The following ZFAND3 variants were observed in gnomAD, a reference collection of about 807,000 sequenced individuals.
ZFAND3 encodes AN1-type zinc finger protein 3.
In ZFAND3, 10 loss-of-function variants were observed where a neutral mutation model predicts 29.6. That is an observed-to-expected ratio of 0.34 (90% confidence interval 0.21 to 0.57). ZFAND3 has a LOEUF of 0.57. Ranked by LOEUF, ZFAND3 falls within the 20% of genes least tolerant of loss-of-function variation. ZFAND3 has a pLI of 0.86. For synonymous variants in ZFAND3, 128 were observed against 112.6 expected (o/e 1.14, Z -0.87); for missense variants, 230 against 304.5 (o/e 0.76, Z 1.82).
rs183308047 is a variant in ZFAND3, at chr6:37,834,769, C to T, written c.71+14753C>T. Among the ~76,000 whole-genome samples, 1,261 of 143,350 alleles carry T rather than the reference C, an allele frequency of 8.8e-3. 14 individuals are homozygous for T. The highest frequency in any genetic ancestry group is 0.014 in the Non-Finnish European group (929 of 67,464). The allele number at this position is 143,350 out of a possible 152,430, so 94.0% of individuals were successfully genotyped here. The stretch of plus-strand genomic sequence containing the variant: ...TTATGCATATATAATGATATATGCT[C>T]ATATATGCATATATCATGCATATAT... On this transcript the variant is annotated intron_variant, in intron 1 of 5. Transcript: ENST00000287218.
intron 2 of ZFAND3, among the ~76,000 whole-genome samples, chr6:38,020,086 A>T (rs975482815): frequency 2.0e-5 from 3 of 152,218 alleles, no homozygotes; most frequent in African/African-American, 7.2e-5. Context: ...CCTGCATGGC[A>T]TAGACTGTAG....
intron 2 of ZFAND3, among the ~76,000 whole-genome samples, chr6:37,954,488 A>G (rs1424972682): frequency 6.6e-6 from 1 of 152,162 alleles, no homozygotes; most frequent in Non-Finnish European, 1.5e-5. Flanking sequence ...CTCACATGCT[A>G]CAGTTTCCAT....
chr6:38,051,613 C>T (rs972143313), intron 2 of ZFAND3, among the ~76,000 whole-genome samples: 3 of 152,158 alleles, frequency 2.0e-5, no homozygotes, highest in Non-Finnish European at 2.9e-5. Context: ...CTCCAACTTG[C>T]CTATTTTATT....
chr6:38,100,244 A>G (rs1765066290), intron 4 of ZFAND3, among the ~76,000 whole-genome samples: 1 of 152,020 alleles, frequency 6.6e-6, no homozygotes, highest in South Asian at 2.1e-4. Flanking sequence ...TTGTATTTTT[A>G]GTAGAGATGG....
rs924502799 is a variant in ZFAND3, at chr6:38,045,337, G to T, written c.113-16256G>T. ...CTCCTGACCTCAAGTGATCCACCCA[G>T]CTCGGCCTTCCAAAGTAGTGGGATT... On this transcript the variant is annotated intron_variant, in intron 2 of 5. Transcript: ENST00000287218. Among the ~76,000 whole-genome samples, 4 of 151,904 alleles carry T rather than the reference G, an allele frequency of 2.6e-5. No homozygotes were observed. The East Asian group carries it at 7.7e-4, about 29-fold the overall frequency.
In ZFAND3 at chr6:37,969,993, C is replaced by T. The variant is rs547059410; in HGVS notation, c.112+39994C>T. ...CCAGCCTGGCCAACATGGTGAAAAC[C>T]CTGTCTCTACAAAAATCCCAGCTAC... On this transcript the variant is annotated intron_variant, in intron 2 of 5. Transcript: ENST00000287218. Among the ~76,000 whole-genome samples the T allele has an allele frequency of 6.6e-5, 10 of 152,144 alleles. No homozygotes were observed. In the South Asian group the frequency reaches 1.9e-3, roughly 28 times the overall value.
intron 2 of ZFAND3, among the ~76,000 whole-genome samples, chr6:37,992,797 G>T (rs1762782319): frequency 6.6e-6 from 1 of 151,782 alleles, no homozygotes; most frequent in South Asian, 2.1e-4. Context: ...ATCTACGCTG[G>T]TTCCTTTGAC....
intron 2 of ZFAND3, among the ~76,000 whole-genome samples, chr6:37,936,168 T>C (rs1029510076): frequency 1.3e-5 from 2 of 152,150 alleles, no homozygotes; most frequent in African/African-American, 4.8e-5. Flanking sequence ...TAAATAGAAG[T>C]GTGGATGGCA....
chr6:37,835,385 G>A (rs1277587685), intron 1 of ZFAND3, among the ~76,000 whole-genome samples: 1 of 151,852 alleles, frequency 6.6e-6, no homozygotes, highest in Non-Finnish European at 1.5e-5. Context: ...TTGAACTCCT[G>A]GGCTCCAGTG....
intron 4 of ZFAND3, among the ~76,000 whole-genome samples, chr6:38,101,028 A>G (rs1765082599): frequency 6.6e-6 from 1 of 152,220 alleles, no homozygotes; most frequent in South Asian, 2.1e-4. Context: ...CGAACTTAAC[A>G]CTGATATAAC....
At chr6:38,138,224 A>G (rs1259828604) in intron 5 of ZFAND3, among the ~76,000 whole-genome samples, 2 of 152,158 alleles carry the variant, frequency 1.3e-5, no homozygotes, top group East Asian at 3.8e-4. Context: ...AGATGCATGG[A>G]CTCTCAAGAA....
chr6:37,878,791 T>G (rs1384775785), intron 1 of ZFAND3, among the ~76,000 whole-genome samples: 4 of 152,210 alleles, frequency 2.6e-5, no homozygotes, highest in Admixed American at 6.5e-5. Flanking sequence ...GAAGAGACAC[T>G]TAGTAATCAC....
intron 2 of ZFAND3, among the ~76,000 whole-genome samples, chr6:37,984,849 G>A (rs59996041): frequency 0.088 from 13,417 of 152,258 alleles, 778 homozygotes; most frequent in East Asian, 0.29. Flanking sequence ...TTGAGACTAT[G>A]GAAGCCTAGG....
chr6:37,867,898 T>G (rs1183847548), intron 1 of ZFAND3, among the ~76,000 whole-genome samples: 5 of 152,236 alleles, frequency 3.3e-5, no homozygotes, highest in African/African-American at 7.2e-5. Flanking sequence ...GAGTATATGA[T>G]TTAATATTTT....
At chr6:37,989,443 CAGAG>C (rs146402170) in intron 2 of ZFAND3, among the ~76,000 whole-genome samples, 1 of 151,692 alleles carries the variant, frequency 6.6e-6, no homozygotes, top group Non-Finnish European at 1.5e-5. Flanking sequence ...GTCCACATGG[CAGAG>C]AGAGAGAGAA....
chr6:37,842,995 G>A (rs548606917), intron 1 of ZFAND3, among the ~76,000 whole-genome samples: 23 of 151,884 alleles, frequency 1.5e-4, no homozygotes, highest in Non-Finnish European at 2.8e-4. Flanking sequence ...GGTGGTGTGT[G>A]CCTGTAATCC....
chr6:38,041,703 C>T (rs1205639041), intron 2 of ZFAND3, among the ~76,000 whole-genome samples: 164 of 558 alleles, frequency 0.29, 4 homozygotes, highest in Middle Eastern at 0.5. Flanking sequence ...CCTTCTCCTC[C>T]TCCTCCTCCT....
intron 2 of ZFAND3, among the ~76,000 whole-genome samples, chr6:38,020,856 T>G (rs57995712): frequency 0.088 from 13,456 of 152,230 alleles, 778 homozygotes; most frequent in East Asian, 0.29. Context: ...CAGGTTTACA[T>G]AGCTACTCTC....
At position 38,120,389 on chromosome 6, in the gene ZFAND3, G is replaced by A. The variant is rs1209014265; in HGVS notation, c.529+3650G>A. Among the ~76,000 whole-genome samples, 4 of 124,748 alleles carry A rather than the reference G, an allele frequency of 3.2e-5. No individual in the cohort carries two copies. The South Asian group carries it at 1.1e-3, about 35-fold the overall frequency. The allele number at this position is 124,748 out of a possible 152,430, so 81.8% of individuals were successfully genotyped here. ...CGCCCAGGCTGGAGTGCAGTGGCAC[G>A]ATCTCAGCTCACTGCAACCTCTGCC... On this transcript the variant is annotated intron_variant, in intron 5 of 5. Transcript: ENST00000287218.
Sources: gnomAD v4.1 joint callset for allele counts (sites outside exome capture counted in the v4.1 genomes callset) on GRCh38, gnomAD v4.1.1 for gene constraint, MANE v1.5 for transcripts, NCBI Gene and HGNC (gene_info 2026-07-23, HGNC 2026-07-21) for gene names.